Variants in LAMA3 observed in about 807,000 individuals in gnomAD.
The protein encoded by LAMA3 is laminin subunit alpha-3.
LAMA3 carries 281 observed loss-of-function variants against 402.0 expected under a neutral mutation model. That is an observed-to-expected ratio of 0.70 (90% confidence interval 0.63 to 0.77). The LOEUF is 0.77. LAMA3 is among the 30% of genes least tolerant of loss of function. The pLI is 0.00. For missense variants in LAMA3, 3,840 were observed against 4,215.5 expected, an observed-to-expected ratio of 0.91 and a Z score of 2.47; for synonymous variants, 1,431 against 1,558.4, an observed-to-expected ratio of 0.92 and a Z score of 1.93.
rs562745769 is a variant in LAMA3, at chr18:23,918,401, G to T, written c.7923+1706G>T. 6.6e-6 allele frequency among the ~76,000 whole-genome samples: 1 copy of T among 152,178 alleles called. No homozygotes were observed. Among genetic ancestry groups the T allele is most frequent in the East Asian group, 1.9e-4 (1 of 5,194 alleles). ...ATCTACTTATTCTGACCCAAAACAT[G>T]TGAAAACTTCCTGGGATCTCTAAGA... On this transcript the variant is annotated intron_variant, in intron 60 of 74. Transcript: ENST00000313654. This position sits in a 1 kb window ranked among gnomAD's most constrained non-coding sequence, Gnocchi z 4.1.
Position 23,713,976 on chromosome 18 carries a change from C to G in LAMA3, c.351C>G (p.Thr117=). ...ACCCCAGGAAAGCACATCCTGTCAC[C>G]AATGCCATCGATGGATCTGAACGTT... ...SEDPRKAHPV[T]NAIDGSERWW... Residue 117 remains threonine (T), a synonymous_variant, in exon 2 of 75, where the codon ACC becomes ACG. Transcript: ENST00000313654. The G allele has an allele frequency of 6.2e-7, 1 of 1,613,816 alleles. No individual in the cohort carries two copies. Among genetic ancestry groups the G allele is most frequent in the African/African-American group, 1.3e-5 (1 of 74,922 alleles).
At chr18:23,764,462 G>T (rs1314097349) in intron 8 of LAMA3, among the ~76,000 whole-genome samples, 2 of 152,130 alleles carry the variant, frequency 1.3e-5, no homozygotes, top group East Asian at 3.8e-4. Flanking sequence ...TGGATGAAAG[G>T]TCAAGCCCCT....
chr18:23,777,684 C>T, intron 11 of LAMA3, 65 bp downstream of exon 11: 1 of 1,190,880 alleles, frequency 8.4e-7, no homozygotes, highest in East Asian at 2.3e-5. Flanking sequence ...TTTCCTACTT[C>T]CTGTGTGCAC....
At chr18:23,890,662 A>C (rs1166051002) in intron 42 of LAMA3, among the ~76,000 whole-genome samples, 2 of 152,192 alleles carry the variant, frequency 1.3e-5, no homozygotes, top group Non-Finnish European at 2.9e-5. Flanking sequence ...CTTTGACAGA[A>C]TATTAATAGG....
chr18:23,717,762 G>C (rs1311153576), intron 2 of LAMA3, among the ~76,000 whole-genome samples: 1 of 138,176 alleles, frequency 7.2e-6, no homozygotes, highest in Non-Finnish European at 1.5e-5. Context: ...GTAGAGACAG[G>C]GTTTCACCAT....
intron 47 of LAMA3, among the ~76,000 whole-genome samples, chr18:23,900,879 C>T (rs1426526728): frequency 1.3e-5 from 2 of 152,168 alleles, no homozygotes; most frequent in Admixed American, 6.5e-5. Flanking sequence ...TCTCATTTCT[C>T]AAGGCTTCCA....
In LAMA3 at chr18:23,846,480, A is replaced by G; in HGVS notation, c.3903A>G (p.Thr1301=). 3.1e-6 allele frequency: 5 copies of G among 1,611,868 alleles called. No homozygotes were observed. The highest frequency in any genetic ancestry group is 4.2e-6 in the Non-Finnish European group (5 of 1,180,006). The part of the protein sequence containing the change: ...VIGRQCTRCA[T]GHYGFPRCKP... The stretch of plus-strand genomic sequence containing the variant: ...GGCGGCAGTGCACCCGCTGTGCAAC[A>G]GGCCACTACGGATTCCCACGCTGCA... The change falls in exon 31 of 75, where the codon ACA becomes ACG. Residue 1301 remains threonine (T), a synonymous_variant. Coordinates refer to ENST00000313654, the MANE Select transcript of LAMA3 (RefSeq NM_198129.4).
chr18:23,946,172 G>A lies in LAMA3; in HGVS notation c.9239G>A (p.Gly3080Glu). The change falls in exon 70 of 75, where the codon GGG (glycine) becomes GAG (glutamate). Residue 3080 changes from glycine to glutamate, a missense_variant. Gly to Glu is a moderately conservative substitution (Grantham distance 98, BLOSUM62 -2). Coordinates refer to ENST00000313654, the MANE Select transcript of LAMA3 (RefSeq NM_198129.4). ...GTGTTTGGCCATGATGGGGAAAAGG[G>A]GCGCTTGGTTGTGGATGGACTGAGG... ...TVVFGHDGEKGRLVVDGLRAR... is the reference protein window; with the variant it reads ...TVVFGHDGEKERLVVDGLRAR... The A allele has an allele frequency of 6.2e-7, 1 of 1,613,830 alleles. No individual in the cohort carries two copies. Among genetic ancestry groups the A allele is most frequent in the Non-Finnish European group, 8.5e-7 (1 of 1,179,934 alleles).
intron 32 of LAMA3, among the ~76,000 whole-genome samples, chr18:23,848,828 G>C (rs1338658100): frequency 6.6e-6 from 1 of 152,174 alleles, no homozygotes; most frequent in Non-Finnish European, 1.5e-5. Flanking sequence ...TCTTCCGGAG[G>C]GTCTGCAAGA....
chr18:23,902,988 A>C, intron 48 of LAMA3, 21 bp from the exon 49 acceptor site: 1 of 1,422,472 alleles, frequency 7.0e-7, no homozygotes, highest in Non-Finnish European at 9.9e-7. Flanking sequence ...AGCTCAAGCA[A>C]TTTTTTTTTA....
chr18:23,945,304 C>T (rs977322584), intron 69 of LAMA3, among the ~76,000 whole-genome samples: 2 of 152,122 alleles, frequency 1.3e-5, no homozygotes, highest in Admixed American at 6.5e-5. Context: ...ACCGCCAGGA[C>T]GCATGCTGAA....
chr18:23,696,313 A>G (rs902301135), intron 1 of LAMA3, among the ~76,000 whole-genome samples: 21 of 152,344 alleles, frequency 1.4e-4, no homozygotes, highest in African/African-American at 4.6e-4. Flanking sequence ...GATGAACTAG[A>G]AAAAGTAGCA....
intron 62 of LAMA3, among the ~76,000 whole-genome samples, chr18:23,927,744 T>C (rs1296871486): frequency 6.6e-6 from 1 of 152,216 alleles, no homozygotes; most frequent in East Asian, 1.9e-4. Context: ...TTAATATATA[T>C]GTATATCATA....
intron 2 of LAMA3, among the ~76,000 whole-genome samples, chr18:23,736,244 G>A (rs758070578): frequency 5.3e-5 from 8 of 150,504 alleles, no homozygotes; most frequent in Non-Finnish European, 1.0e-4. Flanking sequence ...CTTTTTTAAT[G>A]TATGTATTTT....
intron 62 of LAMA3, among the ~76,000 whole-genome samples, chr18:23,925,644 C>T (rs371268672): frequency 4.6e-4 from 70 of 152,268 alleles, no homozygotes; most frequent in Admixed American, 1.2e-3. Context: ...AATACCCCAA[C>T]GCAGGAACCC....
At chr18:23,945,588 G>C (rs1221984988) in intron 69 of LAMA3, among the ~76,000 whole-genome samples, 2 of 152,138 alleles carry the variant, frequency 1.3e-5, no homozygotes, top group African/African-American at 2.4e-5. Flanking sequence ...GTCACAGCTT[G>C]GCATATAAAT....
At chr18:23,862,843 C>G (rs2064256481) in intron 35 of LAMA3, among the ~76,000 whole-genome samples, 1 of 152,142 alleles carries the variant, frequency 6.6e-6, no homozygotes, top group Admixed American at 6.5e-5. Context: ...TCCAAGCTCA[C>G]CCACATGGCT....
At chr18:23,890,156 A>C (rs780202010) in intron 42 of LAMA3, 39 bp downstream of exon 42, 5 of 1,328,446 alleles carry the variant, frequency 3.8e-6, no homozygotes, top group Non-Finnish European at 5.4e-6. Flanking sequence ...TGCATTTATA[A>C]AGCTGGTATA....
In LAMA3 at chr18:23,725,109, C is replaced by G. The variant is rs1319929441; in HGVS notation, c.447+11037C>G. Among the ~76,000 whole-genome samples, 3 of 150,694 alleles carry G rather than the reference C, an allele frequency of 2.0e-5. No individual in the cohort carries two copies. In the East Asian group the frequency reaches 6.1e-4, roughly 31 times the overall value. ...TTTCTAAGTATAACAGTATAACTCA[C>G]CATTCTTTTTTTTTTTTTGAGACAG... On this transcript the variant is annotated intron_variant, in intron 2 of 74. Coordinates refer to ENST00000313654, the MANE Select transcript of LAMA3 (RefSeq NM_198129.4).
Sources: gnomAD v4.1 joint callset for allele counts (sites outside exome capture counted in the v4.1 genomes callset) on GRCh38, gnomAD v4.1.1 for gene constraint, Gnocchi (gnomAD v3.1) non-coding constraint, MANE v1.5 for transcripts, NCBI Gene and HGNC (gene_info 2026-07-23, HGNC 2026-07-21) for gene names.